DLGAP2: variants seen among roughly 807,000 people sequenced by gnomAD.
DLGAP2 encodes DLG associated protein 2.
A neutral mutation model predicts 100.3 loss-of-function variants in DLGAP2; 26 were observed. The observed-to-expected ratio is 0.26, with a 90% confidence interval of 0.19 to 0.36. The LOEUF (loss-of-function observed/expected upper bound fraction) is 0.36. Ranked by LOEUF, DLGAP2 falls within the 10% of genes least tolerant of loss-of-function variation. The pLI, the probability that DLGAP2 is intolerant of heterozygous loss-of-function variation, is 1.00. For missense variants in DLGAP2, 1,858 were observed against 1,453.2 expected (o/e 1.28, Z -4.53); for synonymous variants, 886 against 630.1 (o/e 1.41, Z -6.08).
intron 2 of DLGAP2, among the ~76,000 whole-genome samples, chr8:1,075,373 G>C (rs1416321327): frequency 6.6e-6 from 1 of 152,142 alleles, no homozygotes; most frequent in Non-Finnish European, 1.5e-5. Context: ...GAGAACCGCG[G>C]CTGGGTGTTC....
At chr8:1,349,335 A>C (rs1801648268) in intron 3 of DLGAP2, among the ~76,000 whole-genome samples, 1 of 150,412 alleles carries the variant, frequency 6.6e-6, no homozygotes, top group Non-Finnish European at 1.5e-5. Context: ...ACAGGTAGGA[A>C]GGGGTGTTTG....
intron 10 of DLGAP2, among the ~76,000 whole-genome samples, chr8:1,674,489 A>T (rs565226853): frequency 2.0e-5 from 3 of 152,368 alleles, no homozygotes; most frequent in Admixed American, 6.5e-5. Context: ...CACTGGTCAG[A>T]ATTTAAGGTC....
chr8:1,493,218 C>G (rs73672732), intron 3 of DLGAP2, among the ~76,000 whole-genome samples: 14,098 of 152,196 alleles, frequency 0.093, 2,137 homozygotes, highest in African/African-American at 0.32. Context: ...AGCTCTGAGA[C>G]GCGCCTCCAT....
At chr8:762,265 G>A (rs1396371994) in intron 1 of DLGAP2, among the ~76,000 whole-genome samples, 1 of 152,154 alleles carries the variant, frequency 6.6e-6, no homozygotes, top group Non-Finnish European at 1.5e-5. Flanking sequence ...TACTTTTTAT[G>A]TGCAACTTAT....
At chr8:1,118,210 T>G (rs1453670273) in intron 2 of DLGAP2, among the ~76,000 whole-genome samples, 1 of 152,214 alleles carries the variant, frequency 6.6e-6, no homozygotes, top group East Asian at 1.9e-4. Flanking sequence ...AGGCCATGTC[T>G]GGAGATTCTG....
chr8:1,689,525 C>T (rs1301370790), intron 12 of DLGAP2, among the ~76,000 whole-genome samples: 2 of 152,238 alleles, frequency 1.3e-5, no homozygotes, highest in Non-Finnish European at 2.9e-5. Flanking sequence ...CTTCCCATGG[C>T]TTCCTTCCAA....
At chr8:1,027,592 C>T (rs1292949775) in intron 2 of DLGAP2, among the ~76,000 whole-genome samples, 3 of 138,378 alleles carry the variant, frequency 2.2e-5, no homozygotes, top group Middle Eastern at 5.0e-3. Flanking sequence ...GGTGGGGTGC[C>T]AGGGGCCCGT....
intron 2 of DLGAP2, among the ~76,000 whole-genome samples, chr8:964,881 C>CG (rs908867950): frequency 1.3e-5 from 2 of 152,206 alleles, no homozygotes; most frequent in Non-Finnish European, 2.9e-5. Context: ...GGCCATGCTC[C>CG]GGGGGGTACT....
chr8:1,052,469 A>C (rs544433248), intron 2 of DLGAP2, among the ~76,000 whole-genome samples: 11 of 152,322 alleles, frequency 7.2e-5, no homozygotes, highest in African/African-American at 2.4e-4. Context: ...AAGGCGTGGA[A>C]AAGGCAGTGG....
rs146601073 is a variant in DLGAP2, at chr8:1,212,011, T to C, written c.74-46840T>C. On this transcript the variant is annotated intron_variant, in intron 2 of 14. Transcript: ENST00000637795. ...GAAACACAAGGCTCTTGGTTCTTGG[T>C]CCTTCACCTGATTCACAGCGCTAAA... Among the ~76,000 whole-genome samples the C allele has an allele frequency of 5.9e-5, 9 of 152,370 alleles. No individual in the cohort carries two copies. In the East Asian group the frequency reaches 1.5e-3, roughly 26 times the overall value.
chr8:1,074,610 A>G, intron 2 of DLGAP2, among the ~76,000 whole-genome samples: 1 of 152,184 alleles, frequency 6.6e-6, no homozygotes, highest in East Asian at 1.9e-4. Context: ...CTAGATCAGT[A>G]ACAGACTTGC....
At chr8:1,151,980 G>A (rs1292138964) in intron 2 of DLGAP2, among the ~76,000 whole-genome samples, 4 of 152,176 alleles carry the variant, frequency 2.6e-5, no homozygotes, top group African/African-American at 9.7e-5. Flanking sequence ...AGACACCTGC[G>A]AGTAGTTTTC....
At chr8:869,415 T>C (rs1435177650) in intron 1 of DLGAP2, among the ~76,000 whole-genome samples, 1 of 152,226 alleles carries the variant, frequency 6.6e-6, no homozygotes, top group Non-Finnish European at 1.5e-5. Flanking sequence ...GAATGCTGCG[T>C]GTTTTCTCTT....
rs1027490886 is a variant in DLGAP2 at position 1,198,349 on chromosome 8, C to T, written c.74-60502C>T. Among the ~76,000 whole-genome samples the T allele has an allele frequency of 5.3e-5, 8 of 152,200 alleles. 1 individual carries two copies. Among genetic ancestry groups the T allele is most frequent in the East Asian group, 1.9e-4 (1 of 5,190 alleles). ...TGTTTTGAAATGACAACAACAGCTT[C>T]GTCGTGGGGCGTCACGCATGTTGCA... is the stretch of plus-strand genomic sequence containing the variant. On this transcript the variant is annotated intron_variant, in intron 2 of 14. Transcript: ENST00000637795.
At chr8:851,151 A>G (rs1208146414) in intron 1 of DLGAP2, among the ~76,000 whole-genome samples, 2 of 152,224 alleles carry the variant, frequency 1.3e-5, no homozygotes, top group African/African-American at 2.4e-5. Context: ...CACAAGTGCC[A>G]TGTGTTACAG....
At chr8:833,420 G>A (rs1796816812) in intron 1 of DLGAP2, among the ~76,000 whole-genome samples, 1 of 152,176 alleles carries the variant, frequency 6.6e-6, no homozygotes, top group Admixed American at 6.5e-5. Context: ...GAGGTTCTGG[G>A]GGGACCTGTT....
chr8:801,673 C>A (rs1016839748), intron 1 of DLGAP2, among the ~76,000 whole-genome samples: 5 of 152,114 alleles, frequency 3.3e-5, no homozygotes, highest in African/African-American at 1.2e-4. Flanking sequence ...CAGCGGGCTT[C>A]CTGTGATGAG....
intron 1 of DLGAP2, among the ~76,000 whole-genome samples, chr8:755,739 G>T (rs1007085812): frequency 3.9e-5 from 6 of 152,190 alleles, no homozygotes; most frequent in African/African-American, 1.4e-4. Flanking sequence ...CCCCATGTGT[G>T]TCAGATCCCC....
intron 4 of DLGAP2, among the ~76,000 whole-genome samples, chr8:1,521,897 C>A (rs963005548): frequency 6.7e-6 from 1 of 148,578 alleles, no homozygotes; most frequent in African/African-American, 2.5e-5. Flanking sequence ...ATTTGGAATA[C>A]TCGGGTGGCA....
Sources: allele counts gnomAD v4.1 joint callset (sites outside exome capture counted in the v4.1 genomes callset), GRCh38; gene constraint gnomAD v4.1.1; transcripts MANE v1.5; gene names NCBI Gene and HGNC (gene_info 2026-07-23, HGNC 2026-07-21).